The following FSHR variants were observed in gnomAD, a reference collection of about 807,000 sequenced individuals.
FSHR encodes follicle-stimulating hormone receptor.
A neutral mutation model predicts 52.1 loss-of-function variants in FSHR; 46 were observed. That is an observed-to-expected ratio of 0.88 (90% CI 0.70 to 1.13). The LOEUF is 1.13. Among genes scored for constraint, FSHR ranks in the 50% most tolerant of loss-of-function variants. The pLI, the probability that FSHR is intolerant of heterozygous loss-of-function variation, is 0.00. For synonymous variants in FSHR, 399 were observed against 309.6 expected, an observed-to-expected ratio of 1.29 and a Z score of -3.03; for missense variants, 964 against 834.6, an observed-to-expected ratio of 1.16 and a Z score of -1.91.
At chr2:49,144,182 T>C (rs1672788520) in intron 1 of FSHR, among the ~76,000 whole-genome samples, 1 of 152,126 alleles carries the variant, frequency 6.6e-6, no homozygotes, top group Non-Finnish European at 1.5e-5. Context: ...TGGAAGAATC[T>C]TCTCCAGGAA....
intron 1 of FSHR, among the ~76,000 whole-genome samples, chr2:49,102,767 A>T (rs1671081394): frequency 6.6e-6 from 1 of 152,174 alleles, no homozygotes; most frequent in Non-Finnish European, 1.5e-5. Flanking sequence ...CCGAAATAAT[A>T]AAATATTATA....
intron 2 of FSHR, among the ~76,000 whole-genome samples, chr2:49,045,552 G>A (rs897170482): frequency 1.3e-5 from 2 of 151,992 alleles, no homozygotes; most frequent in East Asian, 3.9e-4. Context: ...AAGGCAGACA[G>A]AGGTAGGCAA....
chr2:49,033,400 T>G (rs757106534), intron 2 of FSHR, among the ~76,000 whole-genome samples: 3 of 152,202 alleles, frequency 2.0e-5, no homozygotes, highest in Non-Finnish European at 4.4e-5. Flanking sequence ...TCAGTTATGG[T>G]TGGTTTTTCT....
At chr2:49,061,968 C>T (rs1291769505) in intron 2 of FSHR, among the ~76,000 whole-genome samples, 2 of 151,056 alleles carry the variant, frequency 1.3e-5, no homozygotes, top group African/African-American at 4.9e-5. Flanking sequence ...TAGTTGGGGA[C>T]TTCAATGCCC....
chr2:48,977,542 C>A (rs985413751), intron 8 of FSHR, among the ~76,000 whole-genome samples: 5 of 152,000 alleles, frequency 3.3e-5, no homozygotes, highest in Non-Finnish European at 7.4e-5. Flanking sequence ...GCTGTCTCCT[C>A]CCACACTATC....
intron 1 of FSHR, among the ~76,000 whole-genome samples, chr2:49,087,070 G>GATTT (rs60949511): frequency 0.028 from 2,436 of 86,728 alleles, 129 homozygotes; most frequent in African/African-American, 0.099. Flanking sequence ...TGTGGGCAGG[G>GATTT]TTTTTTTTTT....
At position 48,962,308 on chromosome 2, in the gene FSHR, G is replaced by C. The variant is rs1414806431; in HGVS notation, c.*425C>G. ...TTCTCTGGGAAATTCTCTGGGAGTCGGAATACCTAATCCTGGCTCTGCCTC... is the reference window on the plus strand; with the variant it reads ...TTCTCTGGGAAATTCTCTGGGAGTCCGAATACCTAATCCTGGCTCTGCCTC... On this transcript the variant is annotated 3_prime_UTR_variant, in exon 10 of 10. Coordinates refer to ENST00000406846, the MANE Select transcript of FSHR (RefSeq NM_000145.4). The C allele has an allele frequency of 4.8e-6, 1 of 207,630 alleles. No homozygotes were observed. Among genetic ancestry groups the C allele is most frequent in the South Asian group, 7.6e-5 (1 of 13,080 alleles). The allele number at this position is 207,630 out of a possible 1,614,324, so 12.9% of individuals were successfully genotyped here.
intron 4 of FSHR, among the ~76,000 whole-genome samples, chr2:49,011,219 G>C (rs1253463075): frequency 6.6e-6 from 1 of 151,184 alleles, no homozygotes; most frequent in East Asian, 1.9e-4. Flanking sequence ...ACAGATTCTG[G>C]TATGTTGTGT....
At position 48,962,857 on chromosome 2, in the gene FSHR, C is replaced by G. The variant is rs776161444; in HGVS notation, c.1964G>C (p.Arg655Thr). ...GCYEMQAQIY[R>T]TETSSTVHNT... ...GTGGACAGTGGATGAAGTTTCTGTC[C>G]TATAAATTTGGGCTTGCATTTCATA... Residue 655 changes from arginine to threonine, a missense_variant, in exon 10 of 10, where the codon AGG becomes ACG. Physicochemically the swap from Arg to Thr is moderately conservative, Grantham distance 71 (BLOSUM62 -1). Transcript: ENST00000406846. The G allele has an allele frequency of 3.7e-5, 60 of 1,614,130 alleles. No homozygotes were observed. The highest frequency in any genetic ancestry group is 5.3e-5 in the African/African-American group (4 of 75,040).
At chr2:49,012,320 C>T (rs2104190647) in intron 4 of FSHR, among the ~76,000 whole-genome samples, 1 of 152,144 alleles carries the variant, frequency 6.6e-6, no homozygotes, top group Non-Finnish European at 1.5e-5. Flanking sequence ...AGAAATATTG[C>T]CTGTAAATAC....
intron 8 of FSHR, among the ~76,000 whole-genome samples, chr2:48,977,495 G>A (rs1675045018): frequency 6.6e-6 from 1 of 152,174 alleles, no homozygotes; most frequent in Non-Finnish European, 1.5e-5. Context: ...AGGGGACAAC[G>A]TGGCTTTTGC....
chr2:49,049,629 C>T (rs927636564), intron 2 of FSHR, among the ~76,000 whole-genome samples: 1 of 152,008 alleles, frequency 6.6e-6, no homozygotes, highest in African/African-American at 2.4e-5. Flanking sequence ...CACAGTGGGC[C>T]TCCTGCCTGT....
intron 2 of FSHR, among the ~76,000 whole-genome samples, chr2:49,051,698 G>T (rs1225910811): frequency 6.6e-6 from 1 of 151,868 alleles, no homozygotes; most frequent in Non-Finnish European, 1.5e-5. Context: ...AAAAGCAGAA[G>T]TTTTTTCTTT....
At chr2:49,116,910 C>T (rs1671618488) in intron 1 of FSHR, among the ~76,000 whole-genome samples, 1 of 152,150 alleles carries the variant, frequency 6.6e-6, no homozygotes, top group African/African-American at 2.4e-5. Context: ...CTTCCTACCC[C>T]ATTCTATTTC....
chr2:49,154,277 A>G lies in FSHR; in HGVS notation c.141T>C (p.Asn47=). 1 of 1,613,884 alleles carries G rather than the reference A, an allele frequency of 6.2e-7. No homozygotes were observed. Among genetic ancestry groups the G allele is most frequent in the East Asian group, 2.2e-5 (1 of 44,850 alleles). ...CCTCTGATACTCACAGTTCAATGGCATTCCTCGGGAGGTCAGAAGGAATCT... is the reference window on the plus strand; with the variant it reads ...CCTCTGATACTCACAGTTCAATGGCGTTCCTCGGGAGGTCAGAAGGAATCT... ...VTEIPSDLPR[N]AIELRFVLTK... is the part of the protein sequence containing the mutation. The change falls in exon 1 of 10, where the codon AAT becomes AAC. Residue 47 remains asparagine, a synonymous_variant. Transcript: ENST00000406846.
At chr2:49,097,094 C>G (rs944416629) in intron 1 of FSHR, among the ~76,000 whole-genome samples, 1 of 152,202 alleles carries the variant, frequency 6.6e-6, no homozygotes, top group Non-Finnish European at 1.5e-5. Flanking sequence ...CAAGAATGAC[C>G]TAATTCACAT....
At chr2:49,011,653 A>C (rs1466575742) in intron 4 of FSHR, among the ~76,000 whole-genome samples, 1 of 152,084 alleles carries the variant, frequency 6.6e-6, no homozygotes, top group Non-Finnish European at 1.5e-5. Context: ...TCGGTGATGC[A>C]GGCAATGTTA....
At chr2:49,073,101 A>C (rs1177943905) in intron 1 of FSHR, among the ~76,000 whole-genome samples, 1 of 152,066 alleles carries the variant, frequency 6.6e-6, no homozygotes, top group Non-Finnish European at 1.5e-5. Context: ...TTTGCATCAC[A>C]ATTAACATCT....
chr2:49,013,501 AATATATATATAT>A (rs1201877951), intron 4 of FSHR, among the ~76,000 whole-genome samples: 20 of 65,994 alleles, frequency 3.0e-4, no homozygotes, highest in East Asian at 2.2e-3. Flanking sequence ...TATATATATA[AATATATATATAT>A]ATAAATATAT....
Sources: gnomAD v4.1 joint callset for allele counts (sites outside exome capture counted in the v4.1 genomes callset) on GRCh38, gnomAD v4.1.1 for gene constraint, MANE v1.5 for transcripts, NCBI Gene and HGNC (gene_info 2026-07-23, HGNC 2026-07-21) for gene names.